Variants in PLCG2 observed in about 807,000 individuals in gnomAD.
PLCG2 encodes phospholipase C gamma 2.
In PLCG2, 69 loss-of-function variants were observed where a neutral mutation model predicts 175.6. That is an observed-to-expected ratio of 0.39 (90% CI 0.32 to 0.48). The LOEUF (loss-of-function observed/expected upper bound fraction) is 0.48, where lower values mean the gene tolerates loss of function less well. Among genes scored for constraint, PLCG2 ranks in the 20% least tolerant of loss-of-function variants. PLCG2 has a pLI of 0.91. For missense variants in PLCG2, 1,798 were observed against 1,650.9 expected (o/e 1.09, Z -1.54); for synonymous variants, 827 against 624.0 (o/e 1.33, Z -4.85).
At position 81,928,575 on chromosome 16, in the gene PLCG2, C is replaced by T. The variant is rs750111421; in HGVS notation, c.2532C>T (p.Pro844=). 4.8e-5 allele frequency: 77 copies of T among 1,605,560 alleles called. No homozygotes were observed. The highest frequency in any genetic ancestry group is 6.6e-5 in the Non-Finnish European group (77 of 1,172,282). ...ELEKQIIEDN[P]LGSLCRGILD... ...CTTCACAGATTATTGAAGACAATCC[C>T]TTAGGGTCTCTTTGCAGAGGAATAT... Residue 844 remains proline (P), a synonymous_variant, in exon 24 of 33, where the codon CCC becomes CCT. Coordinates refer to ENST00000564138, the MANE Select transcript of PLCG2 (RefSeq NM_002661.5).
intron 9 of PLCG2, 84 bp downstream of exon 9, chr16:81,883,425 C>A: frequency 9.3e-7 from 1 of 1,078,462 alleles, no homozygotes; most frequent in Non-Finnish European, 1.4e-6. Flanking sequence ...CGCCTGTGCT[C>A]ACCTGGTCAC....
At chr16:81,787,926 C>T (rs8043845) in intron 2 of PLCG2, among the ~76,000 whole-genome samples, 121,312 of 152,172 alleles carry the variant, frequency 0.8, 48,517 homozygotes, top group East Asian at 0.98. Context: ...GGCAGAATCA[C>T]GATACGTTGT....
chr16:81,757,470 A>G (rs913079893), intron 2 of PLCG2, among the ~76,000 whole-genome samples: 14 of 152,142 alleles, frequency 9.2e-5, no homozygotes, highest in African/African-American at 3.4e-4. Context: ...AGGCTGAGGC[A>G]AGAGAATCGC....
rs138761791 is a variant in PLCG2 at position 81,879,080 on chromosome 16, G to T, written c.649-1830G>T. ...GCCATTGTCCGAGCTCCCTGAGTGG[G>T]GGAATGCGGTGCGGGCTTTTTCTGT... On this transcript the variant is annotated intron_variant, in intron 7 of 32. Transcript: ENST00000564138. Among the ~76,000 whole-genome samples, 509 of 152,278 alleles carry T rather than the reference G, an allele frequency of 3.3e-3. 3 individuals carry two copies. Among genetic ancestry groups the T allele is most frequent in the Non-Finnish European group, 4.3e-3 (295 of 68,026 alleles).
intron 2 of PLCG2, among the ~76,000 whole-genome samples, chr16:81,828,182 C>T (rs1905120492): frequency 6.7e-6 from 1 of 149,702 alleles, no homozygotes; most frequent in Non-Finnish European, 1.5e-5. Flanking sequence ...TACCCTGATG[C>T]AGTTCCCAGG....
chr16:81,752,389 C>G (rs561272066), intron 1 of PLCG2, among the ~76,000 whole-genome samples: 8 of 152,212 alleles, frequency 5.3e-5, no homozygotes, highest in Admixed American at 1.3e-4. Flanking sequence ...GGTTGGGACA[C>G]GTCCTCTTTT....
At chr16:81,807,327 C>T (rs1161054556) in intron 2 of PLCG2, among the ~76,000 whole-genome samples, 3 of 152,152 alleles carry the variant, frequency 2.0e-5, no homozygotes, top group Admixed American at 1.3e-4. Flanking sequence ...GTGTGCATCT[C>T]TGCGAGGAGG....
intron 2 of PLCG2, among the ~76,000 whole-genome samples, chr16:81,830,180 C>T (rs1453814669): frequency 6.6e-6 from 1 of 152,002 alleles, no homozygotes; most frequent in Non-Finnish European, 1.5e-5. Context: ...ATTAGCCAGG[C>T]ATGTTGGCAC....
intron 28 of PLCG2, 74 bp from the exon 29 acceptor site, chr16:81,938,727 C>A: frequency 1.2e-6 from 1 of 840,378 alleles, no homozygotes; most frequent in South Asian, 1.5e-5. Flanking sequence ...CACTCTAGAA[C>A]CCAGCTGCAA....
intron 10 of PLCG2, among the ~76,000 whole-genome samples, chr16:81,890,475 G>C (rs756163778): frequency 1.7e-4 from 26 of 152,214 alleles, no homozygotes; most frequent in Non-Finnish European, 3.5e-4. Context: ...TGGAAAGGCA[G>C]TTTCATAGCC....
rs2143726778 is a variant in PLCG2, at chr16:81,936,392, G to A, written c.3052+14G>A. On this transcript the variant is annotated intron_variant, in intron 27 of 32. Coordinates refer to ENST00000564138, the MANE Select transcript of PLCG2 (RefSeq NM_002661.5). ...TCCAGACGGCAGGTAAAGGCCGACTGAAGGTAGTCCCGTCCCTGCAAGGTG... is the reference window on the plus strand; with the variant it reads ...TCCAGACGGCAGGTAAAGGCCGACTAAAGGTAGTCCCGTCCCTGCAAGGTG... 1 of 1,609,640 alleles carries A rather than the reference G, an allele frequency of 6.2e-7. No homozygotes were observed. Among genetic ancestry groups the A allele is most frequent in the Non-Finnish European group, 8.5e-7 (1 of 1,177,088 alleles).
At chr16:81,739,225 G>A (rs972039190) in exon 1 of PLCG2, 1 of 152,054 alleles carries the variant, frequency 6.6e-6, no homozygotes, top group African/African-American at 2.4e-5. Context: ...TGGGGTATTA[G>A]TTCACCCCTA....
chr16:81,742,437 C>G (rs961621328), intron 1 of PLCG2, among the ~76,000 whole-genome samples: 3 of 152,136 alleles, frequency 2.0e-5, no homozygotes, highest in Non-Finnish European at 4.4e-5. Flanking sequence ...ATCTTCCATC[C>G]TACTCCTGGG....
At chr16:81,881,338 G>C (rs1908070766) in intron 8 of PLCG2, among the ~76,000 whole-genome samples, 1 of 152,164 alleles carries the variant, frequency 6.6e-6, no homozygotes, top group Admixed American at 6.5e-5. Context: ...AATGAGTTCA[G>C]GTGTATAAAC....
At chr16:81,811,967 C>T (rs897117081) in intron 2 of PLCG2, among the ~76,000 whole-genome samples, 35 of 151,568 alleles carry the variant, frequency 2.3e-4, no homozygotes, top group African/African-American at 8.5e-4. Context: ...AATGGTTGAA[C>T]TGATTTACAC....
At chr16:81,875,164 G>A (rs8058290) in intron 7 of PLCG2, among the ~76,000 whole-genome samples, 72,041 of 151,172 alleles carry the variant, frequency 0.48, 17,783 homozygotes, top group Non-Finnish European at 0.54. Context: ...GGGTTTCACC[G>A]TGTTGGCCAG....
At chr16:81,822,800 G>C (rs1904863866) in intron 2 of PLCG2, among the ~76,000 whole-genome samples, 1 of 149,662 alleles carries the variant, frequency 6.7e-6, no homozygotes, top group African/African-American at 2.5e-5. Context: ...CAGGAGATCA[G>C]AGTGAGTAGA....
At chr16:81,740,837 C>G (rs1407310564) in intron 1 of PLCG2, among the ~76,000 whole-genome samples, 2 of 150,882 alleles carry the variant, frequency 1.3e-5, no homozygotes, top group African/African-American at 2.4e-5. Flanking sequence ...TGGTCAGCAT[C>G]CCTAGCACAT....
intron 14 of PLCG2, among the ~76,000 whole-genome samples, chr16:81,904,845 G>A (rs540011835): frequency 2.0e-5 from 3 of 152,160 alleles, no homozygotes; most frequent in Non-Finnish European, 4.4e-5. Flanking sequence ...CAGGCTTGGG[G>A]CTAGAGAGTG....
Sources: gnomAD v4.1 joint callset for allele counts (sites outside exome capture counted in the v4.1 genomes callset) on GRCh38, gnomAD v4.1.1 for gene constraint, MANE v1.5 for transcripts, NCBI Gene and HGNC (gene_info 2026-07-23, HGNC 2026-07-21) for gene names.